Variants in UGGT2 observed in about 807,000 individuals in gnomAD.
UGGT2 encodes UDP-glucose:glycoprotein glucosyltransferase 2.
A neutral mutation model predicts 192.1 loss-of-function variants in UGGT2; 180 were observed. That is an observed-to-expected ratio of 0.94 (90% CI 0.83 to 1.06). The LOEUF (loss-of-function observed/expected upper bound fraction) is 1.06. Among genes scored for constraint, UGGT2 ranks in the 50% least tolerant of loss-of-function variants. The probability of loss-of-function intolerance (pLI) is 0.00; values close to 1 mark genes in which losing one functional copy is unlikely to be tolerated. For synonymous variants in UGGT2, 580 were observed against 591.0 expected, an observed-to-expected ratio of 0.98 and a Z score of 0.27; for missense variants, 1,849 against 1,795.7, an observed-to-expected ratio of 1.03 and a Z score of -0.54.
chr13:95,986,949 T>A lies in UGGT2; in HGVS notation c.932-517A>T, dbSNP rs141904058. Among the ~76,000 whole-genome samples, 5 of 152,214 alleles carry A rather than the reference T, an allele frequency of 3.3e-5. No homozygotes were observed. In the East Asian group the frequency reaches 7.7e-4, roughly 23 times the overall value. The stretch of plus-strand genomic sequence containing the variant: ...TATGACAATCCTATAAAAAGAAAAA[T>A]GTGTGTTGCTAACTGTGGTTAGTTT... On this transcript the variant is annotated intron_variant, in intron 8 of 38. Coordinates refer to ENST00000376747, the MANE Select transcript of UGGT2 (RefSeq NM_020121.4).
chr13:95,824,497 T>C (rs1173397408), intron 38 of UGGT2, among the ~76,000 whole-genome samples: 1 of 152,102 alleles, frequency 6.6e-6, no homozygotes, highest in African/African-American at 2.4e-5. Flanking sequence ...TTTTGATTCC[T>C]TTTTATCTTT....
chr13:96,053,006 A>G, intron 1 of UGGT2, 149 bp downstream of exon 1: 2 of 1,108,366 alleles, frequency 1.8e-6, no homozygotes, highest in South Asian at 2.0e-5. Context: ...CGGGTCGGGA[A>G]GGAAGGAGGT....
At chr13:95,933,364 G>A (rs2049352155) in intron 17 of UGGT2, among the ~76,000 whole-genome samples, 1 of 152,248 alleles carries the variant, frequency 6.6e-6, no homozygotes, top group East Asian at 1.9e-4. Flanking sequence ...ATGCATAGAG[G>A]TCTTCTGAGG....
At chr13:96,001,913 G>A (rs1365055127) in intron 5 of UGGT2, among the ~76,000 whole-genome samples, 2 of 151,968 alleles carry the variant, frequency 1.3e-5, no homozygotes, top group East Asian at 1.9e-4. Context: ...TCTTCCTTAT[G>A]ACTTTCTTAA....
intron 4 of UGGT2, among the ~76,000 whole-genome samples, chr13:96,021,228 G>C (rs2052506136): frequency 6.6e-6 from 1 of 152,178 alleles, no homozygotes; most frequent in African/African-American, 2.4e-5. Context: ...TTGCTGGTCA[G>C]ACCAAGAAAG....
At chr13:95,856,640 C>A in intron 33 of UGGT2, 2 of 430,180 alleles carry the variant, frequency 4.6e-6, no homozygotes, top group Admixed American at 3.3e-5. Context: ...TTGTTAACAT[C>A]TGACTTGAGA....
Position 95,870,686 on chromosome 13 carries a change from A to T in UGGT2, c.3474-3263T>A, listed in dbSNP as rs536589851. Among the ~76,000 whole-genome samples, 12 of 152,342 alleles carry T rather than the reference A, an allele frequency of 7.9e-5. No individual in the cohort carries two copies. The East Asian group carries it at 2.3e-3, about 29-fold the overall frequency. ...CCGCCAGTCCTTCCCAATACGATGT[A>T]AAAGCATCCAATTGCTTGTGTTAAA... On this transcript the variant is annotated intron_variant, in intron 29 of 38. Coordinates refer to ENST00000376747, the MANE Select transcript of UGGT2 (RefSeq NM_020121.4).
chr13:95,955,112 T>C (rs937733664), intron 12 of UGGT2, among the ~76,000 whole-genome samples: 2 of 152,182 alleles, frequency 1.3e-5, no homozygotes, highest in Non-Finnish European at 2.9e-5. Context: ...ATCCTTCAGG[T>C]AGGACAAACT....
chr13:95,827,911 T>TC (rs1886213174), intron 38 of UGGT2, among the ~76,000 whole-genome samples: 4 of 152,062 alleles, frequency 2.6e-5, no homozygotes, highest in African/African-American at 9.7e-5. Context: ...AGTTTGAAGA[T>TC]CCCCACAAAG....
At chr13:95,947,749 C>T (rs1435014036) in intron 14 of UGGT2, among the ~76,000 whole-genome samples, 1 of 152,070 alleles carries the variant, frequency 6.6e-6, no homozygotes, top group Non-Finnish European at 1.5e-5. Flanking sequence ...TGAAGCTGGA[C>T]CTTTCTATAA....
chr13:95,940,243 TATC>T (rs761038333), intron 15 of UGGT2, 152 bp from the exon 16 acceptor site: 12 of 482,948 alleles, frequency 2.5e-5, no homozygotes, highest in East Asian at 1.5e-4. Flanking sequence ...TTTAACCATA[TATC>T]ATCTTTTAAT....
At chr13:95,960,450 T>C (rs1447458808) in intron 12 of UGGT2, among the ~76,000 whole-genome samples, 2 of 151,918 alleles carry the variant, frequency 1.3e-5, no homozygotes, top group Middle Eastern at 3.4e-3. Context: ...CTAAATCAAG[T>C]AGAATCAAGA....
intron 26 of UGGT2, 132 bp from the exon 27 acceptor site, chr13:95,884,812 T>A: frequency 1.2e-6 from 1 of 803,936 alleles, no homozygotes. Context: ...TGCATTATAC[T>A]GCAGAAAAGT....
rs181109858 is a variant in UGGT2, at chr13:95,806,540, G to T, written c.4529-4728C>A. Among the ~76,000 whole-genome samples, 478 of 152,216 alleles carry T rather than the reference G, an allele frequency of 3.1e-3. 3 individuals are homozygous for T. Among genetic ancestry groups the T allele is most frequent in the African/African-American group, 0.011 (456 of 41,534 alleles). On this transcript the variant is annotated intron_variant, in intron 38 of 38. Coordinates refer to ENST00000376747, the MANE Select transcript of UGGT2 (RefSeq NM_020121.4). Reference sequence around the variant, plus strand: ...TATCAAAACCCCAATGACACTTTTTGCAGAAACAGAAAAACCTAAAATTCA... The same window carrying T: ...TATCAAAACCCCAATGACACTTTTTTCAGAAACAGAAAAACCTAAAATTCA...
At chr13:96,009,740 G>T (rs190313929) in intron 5 of UGGT2, among the ~76,000 whole-genome samples, 1 of 152,096 alleles carries the variant, frequency 6.6e-6, no homozygotes, top group Non-Finnish European at 1.5e-5. Context: ...CCCAAGAGGC[G>T]GAGGTTGCAG....
chr13:95,839,485 G>A (rs1887637115), intron 36 of UGGT2, among the ~76,000 whole-genome samples: 1 of 152,098 alleles, frequency 6.6e-6, no homozygotes. Context: ...CCTTTTTACA[G>A]CCAAATAATA....
rs143508056 is a variant in UGGT2, at chr13:95,894,596, G to A, written c.2821C>T (p.Arg941Ter). 3,905 of 1,609,654 alleles carry A rather than the reference G, an allele frequency of 2.4e-3. 8 individuals are homozygous for A. The highest frequency in any genetic ancestry group is 3.0e-3 in the Non-Finnish European group (3,534 of 1,177,624). ...TCCCTAAGAAATGTGACATCATATC[G>A]AGATGCACGCTTAGGCACAGAGGAC... Reference protein sequence around the residue: ...LMSSVPKRASRYDVTFLRENH... With the variant: ...LMSSVPKRAS The change falls in exon 24 of 39, where the codon CGA (arginine) becomes TGA (stop). Residue 941 changes from arginine (R) to a stop codon, truncating the protein, a stop_gained. Transcript: ENST00000376747. LOFTEE classifies it high-confidence loss of function.
chr13:95,888,386 T>G (rs559084020), intron 25 of UGGT2, among the ~76,000 whole-genome samples: 1 of 152,324 alleles, frequency 6.6e-6, no homozygotes, highest in South Asian at 2.1e-4. Context: ...CTTGGCTACC[T>G]ACGAATAAAT....
At chr13:95,925,829 A>G in intron 19 of UGGT2, 55 bp from the exon 20 acceptor site, 1 of 1,252,950 alleles carries the variant, frequency 8.0e-7, no homozygotes, top group Non-Finnish European at 1.1e-6. Flanking sequence ...AAATAAAACA[A>G]AAGCAGGGGA....
Sources: gnomAD v4.1 joint callset for allele counts (sites outside exome capture counted in the v4.1 genomes callset) on GRCh38, gnomAD v4.1.1 for gene constraint, MANE v1.5 for transcripts, NCBI Gene and HGNC (gene_info 2026-07-23, HGNC 2026-07-21) for gene names.